DIP2C: variants seen among roughly 807,000 people sequenced by gnomAD.
The protein encoded by DIP2C is disco-interacting protein 2 homolog C.
A neutral mutation model predicts 192.4 loss-of-function variants in DIP2C; 33 were observed. The observed-to-expected ratio is 0.17, with a 90% CI of 0.13 to 0.23. DIP2C has a LOEUF of 0.23. Ranked by LOEUF, DIP2C falls within the 10% of genes least tolerant of loss-of-function variation. DIP2C has a pLI of 1.00. For missense variants in DIP2C, 1,537 were observed against 2,110.1 expected, an observed-to-expected ratio of 0.73 and a Z score of 5.32; for synonymous variants, 979 against 864.1, an observed-to-expected ratio of 1.13 and a Z score of -2.33.
At chr10:596,522 AAAAAG>A (rs1383408727) in intron 1 of DIP2C, among the ~76,000 whole-genome samples, 13 of 146,202 alleles carry the variant, frequency 8.9e-5, no homozygotes, top group African/African-American at 3.0e-4. Flanking sequence ...AAAAAAAAAA[AAAAAG>A]TATTAAGTTT....
intron 1 of DIP2C, among the ~76,000 whole-genome samples, chr10:644,935 T>C (rs987752085): frequency 1.3e-5 from 2 of 152,002 alleles, no homozygotes; most frequent in African/African-American, 4.8e-5. Flanking sequence ...CGAATTACAG[T>C]GAAGATGGAT....
chr10:366,324 G>A lies in DIP2C; in HGVS notation c.2219C>T (p.Thr740Met), dbSNP rs1194854441. 6 of 1,613,956 alleles carry A rather than the reference G, an allele frequency of 3.7e-6. No individual in the cohort carries two copies. Among genetic ancestry groups the A allele is most frequent in the East Asian group, 2.2e-5 (1 of 44,882 alleles). Reference protein sequence around the residue: ...IGELCVCAVATGTSYYGLSGM... With the variant: ...IGELCVCAVAMGTSYYGLSGM... ...AGAGAGGCCATAGTAGGACGTGCCCGTCGCAACTGCACACACACACAGCTC... is the reference window on the plus strand; with the variant it reads ...AGAGAGGCCATAGTAGGACGTGCCCATCGCAACTGCACACACACACAGCTC... The change falls in exon 19 of 37, where the codon ACG becomes ATG. Residue 740 changes from threonine (T) to methionine (M), a missense_variant. Around this residue, in one of 4 missense-constraint regions of DIP2C, gnomAD observed 677 missense variants for 989.9 expected, o/e 0.68. Coordinates refer to ENST00000280886, the MANE Select transcript of DIP2C (RefSeq NM_014974.3).
intron 32 of DIP2C, among the ~76,000 whole-genome samples, chr10:292,568 G>A (rs1013416803): frequency 6.6e-6 from 1 of 152,216 alleles, no homozygotes; most frequent in Non-Finnish European, 1.5e-5. Context: ...TGTTTTGCTA[G>A]AAGCGACGTC....
At chr10:641,611 G>A (rs1478670659) in intron 1 of DIP2C, 2 of 154,180 alleles carry the variant, frequency 1.3e-5, no homozygotes, top group African/African-American at 4.8e-5. Context: ...AGCAGCACTG[G>A]TGCACAGCAC....
intron 1 of DIP2C, among the ~76,000 whole-genome samples, chr10:572,544 AAT>A (rs1301974811): frequency 6.6e-6 from 1 of 152,198 alleles, no homozygotes; most frequent in African/African-American, 2.4e-5. Flanking sequence ...TAATGAGAAA[AAT>A]AGTTTTCTAT....
chr10:640,692 A>C (rs61833010), intron 1 of DIP2C, among the ~76,000 whole-genome samples: 1 of 41,562 alleles, frequency 2.4e-5, no homozygotes, highest in Non-Finnish European at 6.9e-5. Context: ...CGCGCGGGGA[A>C]GAGGCTGCGC....
At chr10:498,041 GT>G (rs1377871506) in intron 1 of DIP2C, among the ~76,000 whole-genome samples, 1 of 64,834 alleles carries the variant, frequency 1.5e-5, no homozygotes, top group Non-Finnish European at 4.8e-5. Context: ...CCGGCTAACA[GT>G]GTATTTTTTG....
intron 3 of DIP2C, among the ~76,000 whole-genome samples, chr10:449,277 T>A (rs1290066488): frequency 6.6e-6 from 1 of 152,192 alleles, no homozygotes; most frequent in African/African-American, 2.4e-5. Context: ...TCATCTTGTG[T>A]AACAAAAGTC....
rs545532855 is a variant in DIP2C at position 575,726 on chromosome 10, G to C, written c.86-89196C>G. ...AACAGCACAGAGGAAGTCATAGGGA[G>C]GGCAGGGCAAGCTACAGCAGCCTCC... is the stretch of plus-strand genomic sequence containing the variant. On this transcript the variant is annotated intron_variant, in intron 1 of 36. Transcript: ENST00000280886. 9.9e-4 allele frequency among the ~76,000 whole-genome samples: 151 copies of C among 152,320 alleles called. 2 individuals are homozygous for C. Among genetic ancestry groups the C allele is most frequent in the African/African-American group, 3.5e-3 (145 of 41,566 alleles).
chr10:480,860 C>CA (rs1843551622), intron 2 of DIP2C, among the ~76,000 whole-genome samples: 4 of 152,342 alleles, frequency 2.6e-5, no homozygotes, highest in South Asian at 4.1e-4. Context: ...ATTCACCTGT[C>CA]ACTACAGCAA....
intron 1 of DIP2C, among the ~76,000 whole-genome samples, chr10:566,710 C>T (rs1008861543): frequency 1.3e-5 from 2 of 152,244 alleles, no homozygotes; most frequent in African/African-American, 2.4e-5. Context: ...AAGACAACAA[C>T]GGTGCCTCTG....
chr10:586,190 G>C (rs1851009625), intron 1 of DIP2C, among the ~76,000 whole-genome samples: 1 of 152,152 alleles, frequency 6.6e-6, no homozygotes, highest in Non-Finnish European at 1.5e-5. Context: ...GAATTAAATT[G>C]TGCTGAGCCT....
At chr10:307,573 C>T (rs930730567) in intron 32 of DIP2C, among the ~76,000 whole-genome samples, 7 of 152,124 alleles carry the variant, frequency 4.6e-5, no homozygotes, top group African/African-American at 7.2e-5. Flanking sequence ...ACTGGGACGC[C>T]GCTGAGATTC....
chr10:440,762 G>A (rs543296173), intron 4 of DIP2C, 109 bp downstream of exon 4: 5 of 1,455,512 alleles, frequency 3.4e-6, no homozygotes, highest in Non-Finnish European at 4.6e-6. Flanking sequence ...CACAAAATCT[G>A]CATTACTGCT....
chr10:291,322 A>G (rs1955488365), intron 32 of DIP2C, among the ~76,000 whole-genome samples: 1 of 152,240 alleles, frequency 6.6e-6, no homozygotes, highest in East Asian at 1.9e-4. Flanking sequence ...GGTTCATGTG[A>G]AAAAGGTGTG....
chr10:592,653 T>C (rs1851467662), intron 1 of DIP2C, among the ~76,000 whole-genome samples: 1 of 152,180 alleles, frequency 6.6e-6, no homozygotes, highest in Non-Finnish European at 1.5e-5. Flanking sequence ...GAGGCACATC[T>C]AGAAAAAAGC....
At chr10:563,420 AT>A (rs2131478452) in intron 1 of DIP2C, among the ~76,000 whole-genome samples, 1 of 152,350 alleles carries the variant, frequency 6.6e-6, no homozygotes, top group South Asian at 2.1e-4. Flanking sequence ...AATTAGTAGA[AT>A]TTACCAAACT....
intron 32 of DIP2C, among the ~76,000 whole-genome samples, chr10:305,995 T>TATA (rs1956304343): frequency 1.4e-5 from 2 of 141,366 alleles, no homozygotes; most frequent in African/African-American, 2.9e-5. Flanking sequence ...ATATATATAT[T>TATA]ATATTTTTTT....
chr10:578,386 A>G (rs1256140163), intron 1 of DIP2C, among the ~76,000 whole-genome samples: 1 of 152,216 alleles, frequency 6.6e-6, no homozygotes, highest in Non-Finnish European at 1.5e-5. Flanking sequence ...GAGGGCTGAC[A>G]AAGTTGTGAT....
Sources: allele counts gnomAD v4.1 joint callset (sites outside exome capture counted in the v4.1 genomes callset), GRCh38; gene constraint gnomAD v4.1.1; regional missense constraint gnomAD v4.1.1; transcripts MANE v1.5; gene names NCBI Gene and HGNC (gene_info 2026-07-23, HGNC 2026-07-21).